ITIH5: variants seen among roughly 807,000 people sequenced by gnomAD.
The protein encoded by ITIH5 is inter-alpha-trypsin inhibitor heavy chain H5.
In ITIH5, 65 loss-of-function variants were observed where a neutral mutation model predicts 77.5. That is an observed-to-expected ratio of 0.84 (90% CI 0.69 to 1.03). The LOEUF (loss-of-function observed/expected upper bound fraction) is 1.03, where lower values mean the gene tolerates loss of function less well. ITIH5 is among the 50% of genes least tolerant of loss of function. ITIH5 has a pLI of 0.00. For missense variants in ITIH5, 1,208 were observed against 1,213.1 expected (o/e 1.00, Z 0.06); for synonymous variants, 525 against 494.3 (o/e 1.06, Z -0.82).
intron 7 of ITIH5, among the ~76,000 whole-genome samples, chr10:7,598,435 T>C (rs1319360287): frequency 6.6e-6 from 1 of 152,186 alleles, no homozygotes; most frequent in African/African-American, 2.4e-5. Flanking sequence ...TTTAATGAAA[T>C]TTCACTTAGA....
intron 5 of ITIH5, among the ~76,000 whole-genome samples, chr10:7,634,020 C>T (rs1274220546): frequency 8.3e-5 from 11 of 132,454 alleles, no homozygotes; most frequent in East Asian, 2.5e-4. Context: ...ATCCGGAAGG[C>T]GGAGCTTGCA....
At chr10:7,605,326 C>A (rs1572241) in intron 7 of ITIH5, among the ~76,000 whole-genome samples, 125,919 of 150,204 alleles carry the variant, frequency 0.84, 54,068 homozygotes, top group Non-Finnish European at 0.93. Flanking sequence ...CCCAACTACG[C>A]CCTCCTCTGA....
intron 5 of ITIH5, among the ~76,000 whole-genome samples, chr10:7,628,829 GTGTGTCCCTGT>G (rs1564269044): frequency 9.6e-6 from 1 of 104,124 alleles, no homozygotes; most frequent in Non-Finnish European, 2.1e-5. Context: ...ATGTTGTAGC[GTGTGTCCCTGT>G]TGTAGCGTGT....
chr10:7,604,523 C>A (rs979349739), intron 7 of ITIH5, among the ~76,000 whole-genome samples: 4 of 152,220 alleles, frequency 2.6e-5, no homozygotes, highest in Non-Finnish European at 4.4e-5. Context: ...GTCTTCCTTA[C>A]CAGCAAGATG....
At chr10:7,576,353 G>C (rs1447919341) in intron 10 of ITIH5, 100 bp downstream of exon 10, 3 of 1,051,892 alleles carry the variant, frequency 2.9e-6, no homozygotes, top group African/African-American at 1.6e-5. Context: ...ATTATAGCAA[G>C]ATGGAATAAC....
chr10:7,645,317 G>A (rs914154771), intron 2 of ITIH5, among the ~76,000 whole-genome samples: 14 of 152,116 alleles, frequency 9.2e-5, no homozygotes, highest in Non-Finnish European at 1.5e-4. Flanking sequence ...TTCCAGTTTA[G>A]TTTGAGAAGG....
intron 4 of ITIH5, 131 bp from the exon 5 acceptor site, chr10:7,637,609 G>A (rs1419430449): frequency 1.1e-6 from 1 of 869,722 alleles, no homozygotes; most frequent in Non-Finnish European, 1.8e-6. Flanking sequence ...TGTGAGTGTG[G>A]GTCCTGAGAA....
Position 7,561,595 on chromosome 10 carries a change from C to T in ITIH5, c.*1488G>A, listed in dbSNP as rs1025214366. The T allele has an allele frequency of 6.6e-6, 1 of 152,292 alleles. No individual in the cohort carries two copies. Among genetic ancestry groups the T allele is most frequent in the Non-Finnish European group, 1.5e-5 (1 of 68,090 alleles). 9.4% of individuals were successfully genotyped at this position (152,292 alleles called of 1,614,324 possible). A position where few individuals can be genotyped will look rare whatever the true frequency, so the allele number is the denominator to read the frequency against. ...GTTCACGAAGCAGAGAGAGACGAGCCCAGATAGTCCCCCAGCGCTAACTTG... is the reference window on the plus strand; with the variant it reads ...GTTCACGAAGCAGAGAGAGACGAGCTCAGATAGTCCCCCAGCGCTAACTTG... On this transcript the variant is annotated 3_prime_UTR_variant, in exon 14 of 14. Coordinates refer to ENST00000397146, the MANE Select transcript of ITIH5 (RefSeq NM_030569.7).
In ITIH5 at chr10:7,585,903, C is replaced by T; in HGVS notation, c.1106G>A (p.Gly369Glu). ...KVYIHHMSPT[G>E]GTDINGALQR... ...TGAAAAGAAGGTGTCATCTTTACCT[C>T]CAGTGGGTGACATATGGTGAATGTA... The change falls in exon 8 of 14, where the codon GGA becomes GAA. Residue 369 changes from glycine to glutamate, a missense_variant and splice_region_variant. Gly to Glu is a moderately conservative substitution (Grantham distance 98, BLOSUM62 -2). Coordinates refer to ENST00000397146, the MANE Select transcript of ITIH5 (RefSeq NM_030569.7). The T allele has an allele frequency of 6.2e-7, 1 of 1,605,330 alleles. No individual in the cohort carries two copies. Among genetic ancestry groups the T allele is most frequent in the South Asian group, 1.1e-5 (1 of 89,010 alleles).
At position 7,566,091 on chromosome 10, in the gene ITIH5, G is replaced by T; in HGVS notation, c.2466C>A (p.His822Gln). 1 of 1,614,188 alleles carries T rather than the reference G, an allele frequency of 6.2e-7. No homozygotes were observed. Among genetic ancestry groups the T allele is most frequent in the Non-Finnish European group, 8.5e-7 (1 of 1,180,038 alleles). ...LYKKPAPFQR[H>Q]HLGFYIANSE... ...TGTTGGCAATGTAGAAACCCAGGTG[G>T]TGTCGCTGGAAGGGCGCCGGCTTTT... The change falls in exon 13 of 14, where the codon CAC (histidine) becomes CAA (glutamine). Residue 822 changes from histidine (H) to glutamine (Q), a missense_variant. His to Gln is a conservative substitution (Grantham distance 24). Transcript: ENST00000397146.
chr10:7,660,551 C>T (rs924339001), intron 1 of ITIH5, among the ~76,000 whole-genome samples: 4 of 152,128 alleles, frequency 2.6e-5, no homozygotes, highest in Non-Finnish European at 4.4e-5. Context: ...CAAACCTACC[C>T]CGTTATCAAT....
intron 7 of ITIH5, among the ~76,000 whole-genome samples, chr10:7,594,519 C>G (rs184863454): frequency 1.1e-4 from 16 of 152,224 alleles, no homozygotes; most frequent in African/African-American, 3.4e-4. Flanking sequence ...AATGTCTTCC[C>G]TGGAGATCTT....
At chr10:7,569,465 C>T (rs1462337121) in intron 12 of ITIH5, 1 of 431,694 alleles carries the variant, frequency 2.3e-6, no homozygotes, top group Admixed American at 4.0e-5. Context: ...GGCATGTGCC[C>T]AAGGTCACAC....
chr10:7,603,268 T>C (rs1247385932), intron 7 of ITIH5, among the ~76,000 whole-genome samples: 4 of 152,186 alleles, frequency 2.6e-5, no homozygotes, highest in African/African-American at 9.7e-5. Flanking sequence ...CTGGGAGGTA[T>C]CATGCTACCT....
intron 7 of ITIH5, among the ~76,000 whole-genome samples, chr10:7,608,790 C>A (rs1199878794): frequency 6.6e-6 from 1 of 152,230 alleles, no homozygotes; most frequent in Non-Finnish European, 1.5e-5. Context: ...CCTCCCCATA[C>A]ACGCCCAAGG....
Position 7,560,441 on chromosome 10 carries a change from C to A in ITIH5, c.*2642G>T, listed in dbSNP as rs896596144. The A allele has an allele frequency of 2.6e-5, 4 of 152,210 alleles. No homozygotes were observed. The highest frequency in any genetic ancestry group is 9.6e-5 in the African/African-American group (4 of 41,458). 9.4% of individuals were successfully genotyped at this position (152,210 alleles called of 1,614,324 possible). On this transcript the variant is annotated 3_prime_UTR_variant, in exon 14 of 14. Transcript: ENST00000397146. ...GAGGTGCCCACTCCGATTCCCAGTC[C>A]CCGGCCTCCTCAGCACAGCTGTGGC...
chr10:7,611,343 T>C (rs1411849208), intron 7 of ITIH5, among the ~76,000 whole-genome samples: 1 of 152,280 alleles, frequency 6.6e-6, no homozygotes, highest in African/African-American at 2.4e-5. Flanking sequence ...TTTTAAGAAG[T>C]GCCCGAATTA....
intron 2 of ITIH5, among the ~76,000 whole-genome samples, chr10:7,652,505 T>A (rs541783342): frequency 1.3e-5 from 2 of 152,208 alleles, no homozygotes; most frequent in East Asian, 3.9e-4. Flanking sequence ...ATCATTCTAG[T>A]ACCAACTGGA....
chr10:7,657,345 C>T (rs1834205277), intron 1 of ITIH5, among the ~76,000 whole-genome samples: 1 of 152,124 alleles, frequency 6.6e-6, no homozygotes, highest in Admixed American at 6.6e-5. Context: ...CCGTGCCTGG[C>T]CAAGTTTAAC....
Sources: gnomAD v4.1 joint callset for allele counts (sites outside exome capture counted in the v4.1 genomes callset) on GRCh38, gnomAD v4.1.1 for gene constraint, MANE v1.5 for transcripts, NCBI Gene and HGNC (gene_info 2026-07-23, HGNC 2026-07-21) for gene names.